Variants in LMO7 observed in about 807,000 individuals in gnomAD.
LMO7 encodes the protein LIM domain 7.
Under a neutral mutation model 206.5 loss-of-function variants are expected in LMO7, and 120 were observed. The ratio of observed to expected loss-of-function variants is 0.58; its 90% CI spans 0.50 to 0.68. The LOEUF (loss-of-function observed/expected upper bound fraction) is 0.68, where lower values mean the gene tolerates loss of function less well. Ranked by LOEUF, LMO7 falls within the 30% of genes least tolerant of loss-of-function variation. The pLI is 0.00. For synonymous variants in LMO7, 706 were observed against 681.5 expected (o/e 1.04, Z -0.56); for missense variants, 1,959 against 1,957.9 (o/e 1.00, Z -0.01).
intron 1 of LMO7, among the ~76,000 whole-genome samples, chr13:75,622,045 C>A (rs1314415829): frequency 6.6e-6 from 1 of 152,082 alleles, no homozygotes; most frequent in Admixed American, 6.6e-5. Flanking sequence ...TATCCCCGGG[C>A]ATTTTCTTGT....
At chr13:75,800,340 C>T (rs903333338) in intron 6 of LMO7, among the ~76,000 whole-genome samples, 1 of 152,140 alleles carries the variant, frequency 6.6e-6, no homozygotes, top group Admixed American at 6.5e-5. Context: ...ACTGTAATAA[C>T]TGAGTTTAGC....
chr13:75,673,230 A>G (rs1308198574), intron 1 of LMO7, among the ~76,000 whole-genome samples: 8 of 152,014 alleles, frequency 5.3e-5, no homozygotes, highest in African/African-American at 1.4e-4. Context: ...TTCATGATCT[A>G]CTGGGCAGAT....
At chr13:75,705,532 A>G (rs1334587156) in intron 1 of LMO7, among the ~76,000 whole-genome samples, 1 of 151,998 alleles carries the variant, frequency 6.6e-6, no homozygotes, top group Non-Finnish European at 1.5e-5. Flanking sequence ...CATAGTCATC[A>G]CTCCTGTTTG....
chr13:75,800,718 G>A lies in LMO7; in HGVS notation c.497G>A (p.Gly166Asp), dbSNP rs1405626710. ...LEDSSFLKRS[G>D]RDSGYGDIWC... ...GACTCCAGCTTCCTGAAAAGAAGTG[G>A]CAGGGACAGTGGCTACGGTGACATC... The change falls in exon 7 of 31, where the codon GGC becomes GAC. Residue 166 changes from glycine (G) to aspartate (D), a missense_variant. Physicochemically the swap from Gly to Asp is moderately conservative, Grantham distance 94. Transcript: ENST00000377534. 6.2e-7 allele frequency: 1 copy of A among 1,614,082 alleles called. No individual in the cohort carries two copies. The highest frequency in any genetic ancestry group is 8.5e-7 in the Non-Finnish European group (1 of 1,179,980).
intron 9 of LMO7, 87 bp downstream of exon 9, chr13:75,805,847 G>A: frequency 2.2e-6 from 3 of 1,348,864 alleles, no homozygotes; most frequent in Non-Finnish European, 3.0e-6. Flanking sequence ...ATAATAATAA[G>A]AGAGACAGAG....
intron 4 of LMO7, among the ~76,000 whole-genome samples, chr13:75,770,213 A>C (rs1294891924): frequency 6.6e-6 from 1 of 151,410 alleles, no homozygotes. Flanking sequence ...GGCCTGGTCC[A>C]TGTCCTGGAG....
intron 1 of LMO7, among the ~76,000 whole-genome samples, chr13:75,693,520 A>G (rs1384231535): frequency 1.3e-5 from 2 of 152,126 alleles, no homozygotes; most frequent in African/African-American, 2.4e-5. Flanking sequence ...ACCGTCACTG[A>G]ATCTGTTCTC....
At chr13:75,716,420 T>C (rs1169842305) in intron 2 of LMO7, among the ~76,000 whole-genome samples, 1 of 152,164 alleles carries the variant, frequency 6.6e-6, no homozygotes, top group African/African-American at 2.4e-5. Context: ...GTTAGTCATT[T>C]TAGTGTTGTT....
Position 75,838,127 on chromosome 13 carries a change from T to C in LMO7, c.3395-13T>C, listed in dbSNP as rs968330378. 6 of 1,517,978 alleles carry C rather than the reference T, an allele frequency of 4.0e-6. No individual in the cohort carries two copies. The highest frequency in any genetic ancestry group is 1.4e-5 in the African/African-American group (1 of 72,736). 94.0% of individuals were successfully genotyped at this position (1,517,978 alleles called of 1,614,324 possible). A position where few individuals can be genotyped will look rare whatever the true frequency, so the allele number is the denominator to read the frequency against. On this transcript the variant is annotated splice_polypyrimidine_tract_variant and intron_variant, in intron 19 of 30. Coordinates refer to ENST00000377534, the MANE Select transcript of LMO7 (RefSeq NM_001306080.2). Reference sequence around the variant, plus strand: ...AAAATGAATGACATAGTGTTTATTTTTTTTTCAACTAGCATCTGAATCCAT... The same window carrying C: ...AAAATGAATGACATAGTGTTTATTTCTTTTTCAACTAGCATCTGAATCCAT...
intron 6 of LMO7, among the ~76,000 whole-genome samples, chr13:75,799,234 A>G (rs2054426560): frequency 6.6e-6 from 1 of 152,246 alleles, no homozygotes; most frequent in Non-Finnish European, 1.5e-5. Context: ...TATGCCTGAG[A>G]CAGCTGCTAA....
upstream of LMO7, among the ~76,000 whole-genome samples, chr13:75,632,862 G>GATTTTTTTTTTTTTTTTTTTTTT (rs2035128766): frequency 9.8e-6 from 1 of 102,138 alleles, no homozygotes; most frequent in Non-Finnish European, 1.9e-5. Flanking sequence ...TTACTTAAAA[G>GATTTTTTTTTTTTTTTTTTTTTT]TTTTTTTTTT....
At position 75,796,696 on chromosome 13, in the gene LMO7, C is replaced by T. The variant is rs1199543457; in HGVS notation, c.409C>T (p.Pro137Ser). The T allele has an allele frequency of 6.2e-7, 1 of 1,613,398 alleles. No individual in the cohort carries two copies. The highest frequency in any genetic ancestry group is 8.5e-7 in the Non-Finnish European group (1 of 1,179,692). ...ACAAAGCAACCCGTACTATAATGGT[C>T]CCCATCTTAATTTGAAAGCGTTTGA... is the stretch of plus-strand genomic sequence containing the variant. Reference protein sequence around the residue: ...KAQSNPYYNGPHLNLKAFENL... With the variant: ...KAQSNPYYNGSHLNLKAFENL... Residue 137 changes from proline (P) to serine (S), a missense_variant, in exon 6 of 31, where the codon CCC becomes TCC. Physicochemically the swap from Pro to Ser is moderately conservative, Grantham distance 74 (BLOSUM62 -1). Transcript: ENST00000377534.
chr13:75,804,991 G>A (rs1042952528), intron 8 of LMO7: 24 of 998,600 alleles, frequency 2.4e-5, no homozygotes, highest in Non-Finnish European at 2.7e-5. Flanking sequence ...GAGGATGAAC[G>A]AAGGTTTCCT....
chr13:75,857,932 A>AC lies in LMO7; in HGVS notation c.4887dup (p.Ala1630ArgfsTer5), dbSNP rs1371670558. On this transcript the variant is annotated frameshift_variant, in exon 31 of 31. Transcript: ENST00000377534. LOFTEE classifies it high-confidence loss of function. The stretch of plus-strand genomic sequence containing the variant: ...CCTTGCCCGATCAGCTGGACGGCCA[A>AC]CCGCCATGTGATGTAAGCCTCCATA... 19 of 1,601,938 alleles carry AC rather than the reference A, an allele frequency of 1.2e-5. No individual in the cohort carries two copies. The highest frequency in any genetic ancestry group is 1.6e-5 in the Non-Finnish European group (19 of 1,174,932).
At chr13:75,838,468 AAAAAAAG>A in intron 20 of LMO7, 1 of 781,018 alleles carries the variant, frequency 1.3e-6, no homozygotes, top group South Asian at 1.7e-5. Context: ...AAAAAAAAAA[AAAAAAAG>A]GGAGATGCTC....
intron 1 of LMO7, among the ~76,000 whole-genome samples, chr13:75,663,077 G>T (rs1211436377): frequency 6.6e-6 from 1 of 151,942 alleles, no homozygotes; most frequent in African/African-American, 2.4e-5. Context: ...CTTATGGATT[G>T]AGTATATTTT....
At chr13:75,760,862 T>C in intron 3 of LMO7, 70 bp from the exon 4 acceptor site, 1 of 1,593,204 alleles carries the variant, frequency 6.3e-7, no homozygotes, top group Non-Finnish European at 8.6e-7. Flanking sequence ...CGAAGTTATA[T>C]CATAAAAATT....
chr13:75,716,894 C>CT (rs35871564), intron 2 of LMO7, among the ~76,000 whole-genome samples: 60,250 of 138,534 alleles, frequency 0.43, 13,289 homozygotes, highest in East Asian at 0.6. Context: ...TGAAAACACT[C>CT]TTTTTTTTTT....
intron 4 of LMO7, among the ~76,000 whole-genome samples, chr13:75,772,910 G>A (rs2049941402): frequency 6.6e-6 from 1 of 152,086 alleles, no homozygotes; most frequent in Non-Finnish European, 1.5e-5. Context: ...GTCTGGGGCA[G>A]GGCTGGGATT....
Sources: allele counts gnomAD v4.1 joint callset (sites outside exome capture counted in the v4.1 genomes callset), GRCh38; gene constraint gnomAD v4.1.1; transcripts MANE v1.5; gene names NCBI Gene and HGNC (gene_info 2026-07-23, HGNC 2026-07-21).